KLHL29: variants seen among roughly 807,000 people sequenced by gnomAD.
KLHL29 encodes the protein kelch-like protein 29.
KLHL29 carries 21 observed loss-of-function variants against 80.4 expected under a neutral mutation model. That is an observed-to-expected ratio of 0.26 (90% CI 0.19 to 0.38). The LOEUF (loss-of-function observed/expected upper bound fraction) is 0.38. Ranked by LOEUF, KLHL29 falls within the 10% of genes least tolerant of loss-of-function variation. The pLI is 1.00. For missense variants in KLHL29, 867 were observed against 1,223.9 expected, an observed-to-expected ratio of 0.71 and a Z score of 4.35; for synonymous variants, 511 against 526.8, an observed-to-expected ratio of 0.97 and a Z score of 0.41.
intron 2 of KLHL29, among the ~76,000 whole-genome samples, chr2:23,535,362 TCA>T (rs1338934153): frequency 6.6e-6 from 1 of 152,240 alleles, no homozygotes; most frequent in African/African-American, 2.4e-5. Flanking sequence ...GAGCCAAGCC[TCA>T]CACGGCCACA....
intron 1 of KLHL29, among the ~76,000 whole-genome samples, chr2:23,438,441 G>C (rs1449977229): frequency 7.8e-6 from 1 of 128,848 alleles, no homozygotes; most frequent in African/African-American, 3.3e-5. Flanking sequence ...GATATCGGCT[G>C]TGGGTTTGTC....
chr2:23,509,239 C>T (rs1208800199), intron 2 of KLHL29, among the ~76,000 whole-genome samples: 1 of 152,166 alleles, frequency 6.6e-6, no homozygotes, highest in Non-Finnish European at 1.5e-5. Context: ...TTTCTGCCTC[C>T]ACACTGCAAG....
chr2:23,494,197 T>C (rs940072536), intron 2 of KLHL29, among the ~76,000 whole-genome samples: 3 of 152,250 alleles, frequency 2.0e-5, no homozygotes, highest in African/African-American at 7.2e-5. Context: ...GTCGAGAGAT[T>C]GTACTGAGGC....
At chr2:23,581,549 G>C (rs1049783152) in intron 3 of KLHL29, among the ~76,000 whole-genome samples, 1 of 152,156 alleles carries the variant, frequency 6.6e-6, no homozygotes, top group African/African-American at 2.4e-5. Context: ...TTTTAGGCTG[G>C]AGGCAGTGGC....
At chr2:23,693,550 G>C (rs773863063) in intron 8 of KLHL29, 22 bp downstream of exon 8, 26 of 1,537,104 alleles carry the variant, frequency 1.7e-5, no homozygotes, top group Admixed American at 7.9e-5. Flanking sequence ...CCTGTCCCCC[G>C]CCCCTTCTCT....
intron 1 of KLHL29, among the ~76,000 whole-genome samples, chr2:23,413,540 A>T (rs1318380577): frequency 2.0e-5 from 3 of 151,930 alleles, no homozygotes; most frequent in Non-Finnish European, 4.4e-5. Context: ...ATTAAGACCC[A>T]CCTCCTTTTC....
chr2:23,570,573 G>A (rs746871552), intron 3 of KLHL29, among the ~76,000 whole-genome samples: 13 of 152,130 alleles, frequency 8.5e-5, no homozygotes, highest in Admixed American at 1.3e-4. Flanking sequence ...TTGGCCCCCC[G>A]ACCCCAGGTT....
intron 1 of KLHL29, among the ~76,000 whole-genome samples, chr2:23,412,597 G>A (rs977783203): frequency 3.1e-4 from 47 of 152,196 alleles, no homozygotes; most frequent in African/African-American, 1.0e-3. Context: ...GCCTGGGACC[G>A]CTGGAGCTGG....
intron 3 of KLHL29, among the ~76,000 whole-genome samples, chr2:23,627,443 A>G (rs475309): frequency 0.86 from 130,378 of 152,260 alleles, 56,372 homozygotes; most frequent in East Asian, 1. Context: ...CATTCCCACC[A>G]CGGAGCGGTC....
intron 1 of KLHL29, among the ~76,000 whole-genome samples, chr2:23,398,810 G>A (rs1347929806): frequency 6.6e-6 from 1 of 152,172 alleles, no homozygotes; most frequent in African/African-American, 2.4e-5. Context: ...TATGTGTCAG[G>A]GTGGTGACTT....
intron 2 of KLHL29, among the ~76,000 whole-genome samples, chr2:23,488,383 C>T (rs1185853555): frequency 6.6e-6 from 1 of 152,226 alleles, no homozygotes; most frequent in Non-Finnish European, 1.5e-5. Flanking sequence ...GTCTCCCGCT[C>T]AGTCTCGTCT....
chr2:23,405,707 G>T (rs1370302420), intron 1 of KLHL29, among the ~76,000 whole-genome samples: 3 of 152,252 alleles, frequency 2.0e-5, no homozygotes, highest in East Asian at 3.9e-4. Context: ...CCATCCTAGG[G>T]GTTCTAGGAT....
chr2:23,555,271 C>T (rs1333776645), intron 2 of KLHL29, among the ~76,000 whole-genome samples: 2 of 152,200 alleles, frequency 1.3e-5, no homozygotes, highest in African/African-American at 4.8e-5. Flanking sequence ...GTGTCTTTTT[C>T]CTCATCCCAG....
At chr2:23,703,583 G>T in intron 12 of KLHL29, 136 bp from the exon 13 acceptor site, 1 of 1,204,780 alleles carries the variant, frequency 8.3e-7, no homozygotes, top group Non-Finnish European at 1.1e-6. Context: ...CCTAGGCCCC[G>T]GACCCATCCC....
chr2:23,552,570 T>G (rs1041508957), intron 2 of KLHL29, among the ~76,000 whole-genome samples: 2 of 152,058 alleles, frequency 1.3e-5, no homozygotes, highest in African/African-American at 2.4e-5. Flanking sequence ...CGTTCTTCCC[T>G]CAAAGCTTTG....
At chr2:23,449,043 T>C (rs1253025392) in intron 1 of KLHL29, among the ~76,000 whole-genome samples, 2 of 152,260 alleles carry the variant, frequency 1.3e-5, no homozygotes, top group African/African-American at 2.4e-5. Flanking sequence ...TCCCAGAGCT[T>C]ACACAGGAAG....
chr2:23,568,735 A>G (rs926380780), intron 3 of KLHL29, among the ~76,000 whole-genome samples: 2 of 152,248 alleles, frequency 1.3e-5, no homozygotes, highest in Admixed American at 6.5e-5. Context: ...GCAAAGGGAC[A>G]GGCATCTAAG....
intron 2 of KLHL29, among the ~76,000 whole-genome samples, chr2:23,476,762 G>A (rs1372850539): frequency 6.6e-6 from 1 of 152,198 alleles, no homozygotes; most frequent in Non-Finnish European, 1.5e-5. Context: ...TAGAGTCCTA[G>A]CTTAAACTTT....
intron 2 of KLHL29, chr2:23,524,382 T>G: frequency 6.0e-6 from 1 of 167,266 alleles, no homozygotes; most frequent in Non-Finnish European, 1.3e-5. Flanking sequence ...CTTTAGGTCC[T>G]GCCCCGGGCT....
Sources: gnomAD v4.1 joint callset for allele counts (sites outside exome capture counted in the v4.1 genomes callset) on GRCh38, gnomAD v4.1.1 for gene constraint, MANE v1.5 for transcripts, NCBI Gene and HGNC (gene_info 2026-07-23, HGNC 2026-07-21) for gene names.